IL1RAPL2: variants seen among roughly 807,000 people sequenced by gnomAD.
IL1RAPL2 encodes the protein X-linked interleukin-1 receptor accessory protein-like 2.
IL1RAPL2 carries 3 observed loss-of-function variants against 44.1 expected under a neutral mutation model. The ratio of observed to expected loss-of-function variants is 0.07; its 90% CI spans 0.03 to 0.18. The LOEUF (loss-of-function observed/expected upper bound fraction) is 0.18. Ranked by LOEUF, IL1RAPL2 falls within the 10% of genes least tolerant of loss-of-function variation. The pLI is 1.00. For synonymous variants in IL1RAPL2, 181 were observed against 178.8 expected (o/e 1.01, Z -0.10); for missense variants, 391 against 496.4 (o/e 0.79, Z 2.02).
chrX:105,740,598 G>A lies in IL1RAPL2; in HGVS notation c.955G>A (p.Asp319Asn). 8.3e-7 allele frequency: 1 copy of A among 1,208,209 alleles called. No homozygotes were observed. The highest frequency in any genetic ancestry group is 1.1e-6 in the Non-Finnish European group (1 of 892,727). Reference protein sequence around the residue: ...EKEVELALIFDSVVEADLANY... With the variant: ...EKEVELALIFNSVVEADLANY... ...AGAAGTTGAATTGGCACTCATCTTT[G>A]ACTCAGTTGTGGAAGCTGACCTGGC... is the stretch of plus-strand genomic sequence containing the variant. Residue 319 changes from aspartate to asparagine, a missense_variant, in exon 8 of 11, where the codon GAC becomes AAC. Coordinates refer to ENST00000372582, the MANE Select transcript of IL1RAPL2 (RefSeq NM_017416.2).
At chrX:105,725,748 C>T (rs188870198) in intron 7 of IL1RAPL2, among the ~76,000 whole-genome samples, 32 of 111,601 alleles carry the variant, frequency 2.9e-4, no homozygotes, top group African/African-American at 1.0e-3. Context: ...TGAAGGACCC[C>T]ACATGTCCTT....
At chrX:105,181,959 C>T (rs1602995858) in intron 2 of IL1RAPL2, among the ~76,000 whole-genome samples, 1 of 106,922 alleles carries the variant, frequency 9.4e-6, no homozygotes, top group South Asian at 4.1e-4. Context: ...CCCAGCTACT[C>T]GGGAGGCTGA....
Position 104,636,838 on chromosome X carries a change from G to A in IL1RAPL2, c.-19-22057G>A, listed in dbSNP as rs927062778. ...TGCTTTGGCTCATGCTCAGTGTGCTGCACCCACTGTCCTGCACCCACTTTC... is the reference window on the plus strand; with the variant it reads ...TGCTTTGGCTCATGCTCAGTGTGCTACACCCACTGTCCTGCACCCACTTTC... On this transcript the variant is annotated intron_variant, in intron 1 of 10. Transcript: ENST00000372582. Among the ~76,000 whole-genome samples the A allele has an allele frequency of 3.6e-5, 4 of 111,803 alleles. 1 individual carries two copies. The Admixed American group carries it at 3.8e-4, about 11-fold the overall frequency.
chrX:104,943,838 A>C (rs942717657), intron 2 of IL1RAPL2, among the ~76,000 whole-genome samples: 1 of 112,412 alleles, frequency 8.9e-6, no homozygotes, highest in East Asian at 2.8e-4. Flanking sequence ...ATGAGGGCAG[A>C]GATTTCTGAC....
chrX:105,479,187 C>A (rs369145662), intron 5 of IL1RAPL2, among the ~76,000 whole-genome samples: 4 of 111,276 alleles, frequency 3.6e-5, no homozygotes, highest in South Asian at 7.6e-4. Context: ...TCAGACAGAA[C>A]TCAATTCAGG....
intron 4 of IL1RAPL2, among the ~76,000 whole-genome samples, chrX:105,260,722 G>T (rs1231753727): frequency 8.9e-6 from 1 of 112,448 alleles, no homozygotes; most frequent in Non-Finnish European, 1.9e-5. Flanking sequence ...GCTGTGCTGT[G>T]CTGGGAGATC....
intron 2 of IL1RAPL2, among the ~76,000 whole-genome samples, chrX:104,883,308 C>T (rs1005700418): frequency 4.5e-5 from 5 of 111,479 alleles, no homozygotes; most frequent in African/African-American, 6.5e-5. Context: ...ACTAAAGACA[C>T]GGGTGTCAGG....
chrX:104,715,819 A>G (rs777916884), intron 2 of IL1RAPL2, among the ~76,000 whole-genome samples: 4 of 111,303 alleles, frequency 3.6e-5, no homozygotes, highest in African/African-American at 9.8e-5. Context: ...TTCCATGCCT[A>G]TTGATAGGAA....
At chrX:104,595,001 G>A (rs1313776372) in intron 1 of IL1RAPL2, among the ~76,000 whole-genome samples, 1 of 112,017 alleles carries the variant, frequency 8.9e-6, no homozygotes, top group Non-Finnish European at 1.9e-5. Context: ...TAATGGGAAT[G>A]ACAAACCGTC....
rs1265264978 is a variant in IL1RAPL2, at chrX:104,871,585, TTTTTCTGAATTC to T, written c.82+212596_82+212607del. Among the ~76,000 whole-genome samples the T allele has an allele frequency of 9.7e-3, 1,085 of 111,864 alleles. 8 individuals carry two copies. Among genetic ancestry groups the T allele is most frequent in the African/African-American group, 0.032 (994 of 30,835 alleles). ...AAGAAATGATAGTTATCCTGTATTTTTTTTCTGAATTCTTTTCATACCTTGTAGTAATGTAAT... is the reference window on the plus strand; with the variant it reads ...AAGAAATGATAGTTATCCTGTATTTTTTTTCATACCTTGTAGTAATGTAAT... On this transcript the variant is annotated intron_variant, in intron 2 of 10. Transcript: ENST00000372582.
At chrX:105,690,125 AGTC>A (rs1251198404) in intron 6 of IL1RAPL2, among the ~76,000 whole-genome samples, 2 of 110,773 alleles carry the variant, frequency 1.8e-5, no homozygotes, top group Admixed American at 1.9e-4. Flanking sequence ...GCAAATGATG[AGTC>A]GATAGGTGCA....
Position 105,343,030 on chromosome X carries a change from A to G in IL1RAPL2, c.697+75489A>G, listed in dbSNP as rs181075095. 8.1e-3 allele frequency among the ~76,000 whole-genome samples: 864 copies of G among 106,683 alleles called. 4 individuals are homozygous for G. The highest frequency in any genetic ancestry group is 0.012 in the Non-Finnish European group (659 of 53,057). The allele number at this position is 106,683 out of a possible 115,157, so 92.6% of individuals were successfully genotyped here. The stretch of plus-strand genomic sequence containing the variant: ...TTCTGAAATCCAGGCAATAGATCTA[A>G]CATAGCTATTCTATTAAAAAAAAAA... On this transcript the variant is annotated intron_variant, in intron 5 of 10. Coordinates refer to ENST00000372582, the MANE Select transcript of IL1RAPL2 (RefSeq NM_017416.2).
At chrX:105,177,325 C>T (rs1424523515) in intron 2 of IL1RAPL2, among the ~76,000 whole-genome samples, 1 of 110,480 alleles carries the variant, frequency 9.1e-6, no homozygotes, top group East Asian at 2.8e-4. Context: ...CTATCACCCC[C>T]AGATGGGACC....
At chrX:104,736,673 G>T (rs902010490) in intron 2 of IL1RAPL2, among the ~76,000 whole-genome samples, 1 of 112,271 alleles carries the variant, frequency 8.9e-6, no homozygotes, top group Non-Finnish European at 1.9e-5. Context: ...GTAGCCTCTT[G>T]TCCTCCAAGG....
At chrX:104,849,893 A>G (rs1922180999) in intron 2 of IL1RAPL2, among the ~76,000 whole-genome samples, 1 of 111,349 alleles carries the variant, frequency 9.0e-6, no homozygotes, top group Admixed American at 9.6e-5. Context: ...AGAATTTTTA[A>G]AAGGGAATTC....
chrX:105,168,620 T>C (rs2033393752), intron 2 of IL1RAPL2, among the ~76,000 whole-genome samples: 1 of 110,112 alleles, frequency 9.1e-6, no homozygotes, highest in African/African-American at 3.3e-5. Flanking sequence ...TAAGTTTCAG[T>C]CCGAATGTCA....
intron 6 of IL1RAPL2, among the ~76,000 whole-genome samples, chrX:105,520,296 C>G (rs1221711426): frequency 8.9e-6 from 1 of 111,883 alleles, no homozygotes; most frequent in East Asian, 2.8e-4. Context: ...TAAACTGGTG[C>G]CATCATTTGC....
At chrX:105,687,126 G>A (rs1403023582) in intron 6 of IL1RAPL2, among the ~76,000 whole-genome samples, 1 of 111,592 alleles carries the variant, frequency 9.0e-6, no homozygotes, top group Non-Finnish European at 1.9e-5. Flanking sequence ...AAGCAGGAAA[G>A]ATCTAAAATT....
At chrX:105,120,175 A>G (rs2032908418) in intron 2 of IL1RAPL2, among the ~76,000 whole-genome samples, 1 of 107,282 alleles carries the variant, frequency 9.3e-6, no homozygotes, top group African/African-American at 3.4e-5. Context: ...TTCTTTGTGA[A>G]GAAAAAGGAA....
Sources: allele counts gnomAD v4.1 joint callset (sites outside exome capture counted in the v4.1 genomes callset), GRCh38; gene constraint gnomAD v4.1.1; transcripts MANE v1.5; gene names NCBI Gene and HGNC (gene_info 2026-07-23, HGNC 2026-07-21).